The following SLC17A1 variants were observed in gnomAD, a reference collection of about 807,000 sequenced individuals.
SLC17A1 encodes the protein sodium-dependent phosphate transport protein 1.
Under a neutral mutation model 53.5 loss-of-function variants are expected in SLC17A1, and 51 were observed. The ratio of observed to expected loss-of-function variants is 0.95; its 90% CI spans 0.76 to 1.20. SLC17A1 has a LOEUF of 1.20. Among genes scored for constraint, SLC17A1 ranks in the 50% most tolerant of loss-of-function variants. SLC17A1 has a pLI of 0.00. For synonymous variants in SLC17A1, 179 were observed against 198.8 expected, an observed-to-expected ratio of 0.90 and a Z score of 0.84; for missense variants, 538 against 568.2, an observed-to-expected ratio of 0.95 and a Z score of 0.54.
At chr6:25,762,182 A>G in the SLC17A1 span, 5 of 683,980 alleles carry the variant, frequency 7.3e-6, no homozygotes, top group South Asian at 8.2e-5. Context: ...TGCTACCACC[A>G]ATTGCCAATA....
intron 12 of SLC17A1, among the ~76,000 whole-genome samples, chr6:25,791,815 G>T (rs62392755): frequency 6.6e-6 from 1 of 152,208 alleles, no homozygotes; most frequent in Non-Finnish European, 1.5e-5. Flanking sequence ...TGGCTGTGAC[G>T]ATGTCTGAAG....
chr6:25,828,668 A>G (rs546760316), intron 2 of SLC17A1, among the ~76,000 whole-genome samples: 1 of 152,064 alleles, frequency 6.6e-6, no homozygotes, highest in African/African-American at 2.4e-5. Context: ...ATTTTGCTTT[A>G]TATATTGGAA....
At chr6:25,730,091 A>T in the SLC17A1 span, among the ~76,000 whole-genome samples, 1 of 152,228 alleles carries the variant, frequency 6.6e-6, no homozygotes, top group Non-Finnish European at 1.5e-5. Flanking sequence ...ATTGTGGAAA[A>T]CAGTATAGAA....
At chr6:25,740,956 G>A in the SLC17A1 span, among the ~76,000 whole-genome samples, 549 of 152,272 alleles carry the variant, frequency 3.6e-3, 3 homozygotes, top group Middle Eastern at 0.014. Context: ...TCATATGTGG[G>A]AGCTAAAAAA....
chr6:25,814,941 C>T (rs555483343), intron 6 of SLC17A1, among the ~76,000 whole-genome samples: 1 of 151,292 alleles, frequency 6.6e-6, no homozygotes, highest in East Asian at 2.0e-4. Flanking sequence ...AGCTGAGATA[C>T]TGCCATTGCA....
the SLC17A1 span, among the ~76,000 whole-genome samples, chr6:25,725,317 T>C: frequency 1.3e-5 from 2 of 152,250 alleles, no homozygotes; most frequent in African/African-American, 2.4e-5. Context: ...CTTTTTGACA[T>C]ATTTTACTTA....
downstream of SLC17A1, chr6:25,779,165 G>C: frequency 2.5e-6 from 4 of 1,613,804 alleles, no homozygotes; most frequent in Non-Finnish European, 3.4e-6. Context: ...CTGGGCTAAA[G>C]AGCAGACATT....
chr6:25,769,041 A>G, the SLC17A1 span: 5 of 1,613,844 alleles, frequency 3.1e-6, no homozygotes, highest in Non-Finnish European at 4.2e-6. Context: ...TAATTTTTCA[A>G]TTTACACCCA....
At chr6:25,768,346 T>A in the SLC17A1 span, 12 of 984,984 alleles carry the variant, frequency 1.2e-5, no homozygotes, top group Non-Finnish European at 1.4e-5. Flanking sequence ...GGATAGTGGA[T>A]GAATTCTTCC....
At chr6:25,744,125 C>G in the SLC17A1 span, among the ~76,000 whole-genome samples, 3 of 152,282 alleles carry the variant, frequency 2.0e-5, no homozygotes, top group African/African-American at 7.2e-5. Flanking sequence ...CATGGACATA[C>G]AGTGGGGAGA....
chr6:25,768,273 GA>G, the SLC17A1 span: 14 of 648,918 alleles, frequency 2.2e-5, no homozygotes, highest in Non-Finnish European at 2.5e-5. Context: ...TCCCTTTCAG[GA>G]ACCAAGAAAA....
At chr6:25,727,129 G>A in the SLC17A1 span, 3 of 1,614,054 alleles carry the variant, frequency 1.9e-6, no homozygotes, top group African/African-American at 2.7e-5. Flanking sequence ...ATCTTTGAGC[G>A]TATAGCGAGC....
intron 2 of SLC17A1, among the ~76,000 whole-genome samples, chr6:25,828,446 T>G (rs565053718): frequency 1.3e-5 from 2 of 152,278 alleles, no homozygotes; most frequent in African/African-American, 4.8e-5. Flanking sequence ...TTTTTATATC[T>G]ATTGAGATAA....
chr6:25,809,289 TG>T (rs1478859749), intron 10 of SLC17A1, among the ~76,000 whole-genome samples: 1 of 151,978 alleles, frequency 6.6e-6, no homozygotes. Flanking sequence ...TTAATAGGTA[TG>T]ATGTATATTA....
At chr6:25,748,573 T>C in the SLC17A1 span, among the ~76,000 whole-genome samples, 4 of 151,908 alleles carry the variant, frequency 2.6e-5, no homozygotes, top group African/African-American at 9.7e-5. Context: ...ACAGACAAAG[T>C]ATAGAGAAAG....
the SLC17A1 span, among the ~76,000 whole-genome samples, chr6:25,746,255 A>G: frequency 6.6e-6 from 1 of 152,154 alleles, no homozygotes; most frequent in South Asian, 2.1e-4. Context: ...GCTCTGAAAA[A>G]CCTTTAGTTT....
chr6:25,773,660 G>A, the SLC17A1 span: 2 of 1,613,422 alleles, frequency 1.2e-6, no homozygotes, highest in South Asian at 1.1e-5. Flanking sequence ...GGTACTTCAA[G>A]CCAACCTCAG....
chr6:25,726,428 G>A, the SLC17A1 span: 13 of 1,614,116 alleles, frequency 8.1e-6, no homozygotes, highest in South Asian at 8.8e-5. Flanking sequence ...TTACGAAGCA[G>A]ACGATGGATC....
chr6:25,780,547 A>C (rs1763242976), downstream of SLC17A1: 1 of 152,252 alleles, frequency 6.6e-6, no homozygotes, highest in Non-Finnish European at 1.5e-5. Flanking sequence ...CTATGGCCAG[A>C]GTATAGAGAA....
Sources: allele counts gnomAD v4.1 joint callset (sites outside exome capture counted in the v4.1 genomes callset), GRCh38; gene constraint gnomAD v4.1.1; transcripts MANE v1.5; gene names NCBI Gene and HGNC (gene_info 2026-07-23, HGNC 2026-07-21).